FSIP2: variants seen among roughly 807,000 people sequenced by gnomAD.
The protein encoded by FSIP2 is fibrous sheath interacting protein 2.
A neutral mutation model predicts 510.5 loss-of-function variants in FSIP2; 367 were observed. The ratio of observed to expected loss-of-function variants is 0.72; its 90% CI spans 0.66 to 0.78. The LOEUF (loss-of-function observed/expected upper bound fraction) is 0.78. Ranked by LOEUF, FSIP2 falls within the 30% of genes least tolerant of loss-of-function variation. The pLI, the probability that FSIP2 is intolerant of heterozygous loss-of-function variation, is 0.00. For missense variants in FSIP2, 7,594 were observed against 7,901.7 expected, an observed-to-expected ratio of 0.96 and a Z score of 1.48; for synonymous variants, 2,601 against 2,732.2, an observed-to-expected ratio of 0.95 and a Z score of 1.50.
At chr2:185,819,218 T>C (rs893982908) in intron 19 of FSIP2, among the ~76,000 whole-genome samples, 1 of 151,862 alleles carries the variant, frequency 6.6e-6, no homozygotes, top group African/African-American at 2.4e-5. Context: ...AAATGAGAAC[T>C]GAATCAAAAT....
chr2:185,783,541 G>A (rs1265725568), intron 14 of FSIP2: 1 of 152,044 alleles, frequency 6.6e-6, no homozygotes, highest in South Asian at 2.1e-4. Flanking sequence ...TTCAGACAAG[G>A]CTTCCTGAAA....
chr2:185,805,997 T>A lies in FSIP2; in HGVS notation c.16691T>A (p.Ile5564Asn). The A allele has an allele frequency of 6.4e-7, 1 of 1,557,184 alleles. No individual in the cohort carries two copies. Among genetic ancestry groups the A allele is most frequent in the Non-Finnish European group, 8.7e-7 (1 of 1,155,620 alleles). The change falls in exon 17 of 23, where the codon ATT becomes AAT. Residue 5564 changes from isoleucine (I) to asparagine (N), a missense_variant. Physicochemically the swap from Ile to Asn is moderately radical, Grantham distance 149 (BLOSUM62 -3). Transcript: ENST00000424728. ...NLSETFNNNE[I>N]EKKRNLIPTD... is the part of the protein sequence containing the mutation. Reference sequence around the variant, plus strand: ...AGTGAAACATTTAATAATAATGAAATTGAGAAGAAAAGAAATTTAATTCCA... The same window carrying A: ...AGTGAAACATTTAATAATAATGAAAATGAGAAGAAAAGAAATTTAATTCCA...
intron 1 of FSIP2, 53 bp downstream of exon 1, chr2:185,739,046 G>C: frequency 1.3e-6 from 2 of 1,504,234 alleles, no homozygotes; most frequent in Admixed American, 2.1e-5. Flanking sequence ...CAGGCCTGCT[G>C]GGGAGCGGGG....
chr2:185,744,081 C>T (rs994987162), intron 3 of FSIP2, among the ~76,000 whole-genome samples: 3 of 152,074 alleles, frequency 2.0e-5, no homozygotes, highest in African/African-American at 7.2e-5. Context: ...CCTCCTGCCT[C>T]AGCCTAAGTA....
chr2:185,741,308 A>C (rs1288566448), intron 2 of FSIP2, among the ~76,000 whole-genome samples: 1 of 152,162 alleles, frequency 6.6e-6, no homozygotes, highest in Non-Finnish European at 1.5e-5. Context: ...ATAATTTCTC[A>C]GAAGAATTTT....
intron 13 of FSIP2, among the ~76,000 whole-genome samples, chr2:185,769,026 C>T (rs1692553860): frequency 6.6e-6 from 1 of 152,148 alleles, no homozygotes. Context: ...AAAATCTAGT[C>T]TACCATTGGT....
intron 7 of FSIP2, among the ~76,000 whole-genome samples, chr2:185,747,788 A>G (rs1182217542): frequency 4.6e-5 from 7 of 152,006 alleles, no homozygotes; most frequent in Non-Finnish European, 1.0e-4. Context: ...AATAATATAT[A>G]AGATTTTGTG....
At position 185,805,129 on chromosome 2, in the gene FSIP2, A is replaced by G. The variant is rs755510903; in HGVS notation, c.15823A>G (p.Thr5275Ala). The G allele has an allele frequency of 6.2e-7, 1 of 1,609,874 alleles. No individual in the cohort carries two copies. The highest frequency in any genetic ancestry group is 8.5e-7 in the Non-Finnish European group (1 of 1,177,666). ...GACACAGCCTTCTCTCTATTCAGCT[A>G]CATTTTTGGAAGACATAATCATTGA... Reference protein sequence around the residue: ...EKTQPSLYSATFLEDIIIDLV... With the variant: ...EKTQPSLYSAAFLEDIIIDLV... The change falls in exon 17 of 23, where the codon ACA (threonine) becomes GCA (alanine). Residue 5275 changes from threonine (T) to alanine (A), a missense_variant. By Grantham distance (58) the Thr-to-Ala change is moderately conservative. Coordinates refer to ENST00000424728, the MANE Select transcript of FSIP2 (RefSeq NM_173651.4).
rs758388087 is a variant in FSIP2, at chr2:185,808,343, A to G, written c.19037A>G (p.Lys6346Arg). ...SSRKGLTLDA[K>R]LLEEVLALFL... The stretch of plus-strand genomic sequence containing the variant: ...AGAAAAGGTTTGACATTAGATGCCA[A>G]ACTTTTAGAAGAGGTGTTGGCCTTG... Residue 6346 changes from lysine to arginine, a missense_variant, in exon 17 of 23, where the codon AAA becomes AGA. Transcript: ENST00000424728. 2.5e-6 allele frequency: 4 copies of G among 1,610,912 alleles called. No homozygotes were observed. Among genetic ancestry groups the G allele is most frequent in the African/African-American group, 2.7e-5 (2 of 74,888 alleles).
chr2:185,801,222 A>G lies in FSIP2; in HGVS notation c.11916A>G (p.Ser3972=), dbSNP rs529527498. 2.6e-6 allele frequency: 4 copies of G among 1,534,330 alleles called. No homozygotes were observed. The South Asian group carries it at 4.8e-5, about 18-fold the overall frequency. ...HQEGIYAGVY[S]ATFLEGIISE... ...AAGGTATATATGCTGGTGTTTATTC[A>G]GCCACATTTTTGGAAGGAATAATTT... is the stretch of plus-strand genomic sequence containing the variant. Residue 3972 remains serine, a synonymous_variant, in exon 17 of 23, where the codon TCA becomes TCG. Coordinates refer to ENST00000424728, the MANE Select transcript of FSIP2 (RefSeq NM_173651.4).
Position 185,796,132 on chromosome 2 carries a change from T to A in FSIP2, c.8996T>A (p.Met2999Lys). Residue 2999 changes from methionine to lysine, a missense_variant, in exon 16 of 23, where the codon ATG becomes AAG. Physicochemically the swap from Met to Lys is moderately conservative, Grantham distance 95 (BLOSUM62 -1). Transcript: ENST00000424728. Reference sequence around the variant, plus strand: ...GAGATTGTAGAAACGGTTTTAAACATGTTAGAGTCATTTGTGGACTTGCAG... The same window carrying A: ...GAGATTGTAGAAACGGTTTTAAACAAGTTAGAGTCATTTGTGGACTTGCAG... The part of the protein sequence containing the change: ...VQEIVETVLN[M>K]LESFVDLQFK... 2 of 1,534,446 alleles carry A rather than the reference T, an allele frequency of 1.3e-6. No individual in the cohort carries two copies. Among genetic ancestry groups the A allele is most frequent in the Non-Finnish European group, 1.7e-6 (2 of 1,145,950 alleles).
chr2:185,833,212 C>T lies in FSIP2; in HGVS notation c.20710C>T (p.Gln6904Ter), dbSNP rs1304162541. 6.2e-7 allele frequency: 1 copy of T among 1,609,388 alleles called. No individual in the cohort carries two copies. The highest frequency in any genetic ancestry group is 1.7e-4 in the Middle Eastern group (1 of 6,056). Residue 6904 changes from glutamine (Q) to a stop codon, truncating the protein, a stop_gained, in exon 23 of 23, where the codon CAG becomes TAG. Coordinates refer to ENST00000424728, the MANE Select transcript of FSIP2 (RefSeq NM_173651.4). LOFTEE classifies it high-confidence loss of function. ...NISRSSSPAH[Q>*]DEH ...TTCCAGATCTTCCTCACCAGCTCAC[C>T]AGGATGAACACTGAAGCTTTTGTAC...
chr2:185,787,227 C>T (rs1303057865), intron 15 of FSIP2, among the ~76,000 whole-genome samples: 1 of 104,498 alleles, frequency 9.6e-6, no homozygotes, highest in African/African-American at 3.6e-5. Context: ...ATGTATTTTA[C>T]AACATAAGAT....
chr2:185,832,220 CTA>C (rs1694120979), intron 22 of FSIP2, among the ~76,000 whole-genome samples: 1 of 151,854 alleles, frequency 6.6e-6, no homozygotes, highest in African/African-American at 2.4e-5. Flanking sequence ...AGCAGCAGAG[CTA>C]TGTTTCAAAT....
At chr2:185,767,938 C>A (rs1692527640) in intron 13 of FSIP2, among the ~76,000 whole-genome samples, 1 of 152,064 alleles carries the variant, frequency 6.6e-6, no homozygotes, top group African/African-American at 2.4e-5. Flanking sequence ...TGTTGAGGAA[C>A]CTTCATACTG....
At chr2:185,741,893 G>A (rs1214121407) in intron 2 of FSIP2, among the ~76,000 whole-genome samples, 2 of 152,172 alleles carry the variant, frequency 1.3e-5, no homozygotes, top group African/African-American at 4.8e-5. Context: ...GTCCAACCCA[G>A]CCAGACTCCA....
At chr2:185,781,304 T>C (rs977700689) in intron 13 of FSIP2, among the ~76,000 whole-genome samples, 1 of 152,200 alleles carries the variant, frequency 6.6e-6, no homozygotes, top group Non-Finnish European at 1.5e-5. Context: ...GTAGGCTTTG[T>C]GTTAGCTGAT....
chr2:185,766,088 A>T (rs1204518760), intron 13 of FSIP2: 1 of 152,044 alleles, frequency 6.6e-6, no homozygotes, highest in Admixed American at 6.6e-5. Context: ...TGTCGTCTGC[A>T]AACAGGGACA....
chr2:185,811,456 G>A (rs766344132), intron 17 of FSIP2, among the ~76,000 whole-genome samples: 3 of 142,876 alleles, frequency 2.1e-5, no homozygotes, highest in East Asian at 4.1e-4. Context: ...GTGACAAAGC[G>A]AGACTCCACC....
Sources: allele counts gnomAD v4.1 joint callset (sites outside exome capture counted in the v4.1 genomes callset), GRCh38; gene constraint gnomAD v4.1.1; transcripts MANE v1.5; gene names NCBI Gene and HGNC (gene_info 2026-07-23, HGNC 2026-07-21).